CERS6: variants seen among roughly 807,000 people sequenced by gnomAD.
CERS6 encodes the protein LAG1 homolog, ceramide synthase 6.
In CERS6, 26 loss-of-function variants were observed where a neutral mutation model predicts 56.8. The ratio of observed to expected loss-of-function variants is 0.46; its 90% CI spans 0.34 to 0.63. CERS6 has a LOEUF of 0.63. Among genes scored for constraint, CERS6 ranks in the 30% least tolerant of loss-of-function variants. The pLI is 0.01. For missense variants in CERS6, 415 were observed against 467.5 expected, an observed-to-expected ratio of 0.89 and a Z score of 1.04; for synonymous variants, 164 against 173.3, an observed-to-expected ratio of 0.95 and a Z score of 0.42.
At chr2:168,694,256 C>T (rs1197653482) in intron 5 of CERS6, among the ~76,000 whole-genome samples, 1 of 152,070 alleles carries the variant, frequency 6.6e-6, no homozygotes, top group Non-Finnish European at 1.5e-5. Flanking sequence ...GAGCCTCCCC[C>T]CGACCCTGAG....
chr2:168,593,522 C>T (rs1325407123), intron 3 of CERS6, among the ~76,000 whole-genome samples: 1 of 143,478 alleles, frequency 7.0e-6, no homozygotes, highest in African/African-American at 2.9e-5. Flanking sequence ...TTTTGAGTTT[C>T]TGTGTGTTTT....
chr2:168,472,494 T>C (rs1693995296), intron 1 of CERS6, among the ~76,000 whole-genome samples: 2 of 152,204 alleles, frequency 1.3e-5, no homozygotes, highest in South Asian at 2.1e-4. Context: ...CTTCTTTCTT[T>C]GTGTTAAGTC....
At chr2:168,722,258 T>C (rs755472645) in intron 8 of CERS6, among the ~76,000 whole-genome samples, 123 of 152,344 alleles carry the variant, frequency 8.1e-4, no homozygotes, top group Non-Finnish European at 1.4e-3. Context: ...ACTTCCTTGA[T>C]GATGTCCTTT....
chr2:168,604,887 G>A (rs115337340), intron 3 of CERS6, among the ~76,000 whole-genome samples: 4,487 of 152,234 alleles, frequency 0.029, 195 homozygotes, highest in African/African-American at 0.097. Flanking sequence ...TTTCTTTAGA[G>A]CCATGTGAGA....
At chr2:168,666,872 C>T (rs746775766) in intron 4 of CERS6, among the ~76,000 whole-genome samples, 1 of 152,194 alleles carries the variant, frequency 6.6e-6, no homozygotes. Flanking sequence ...TAAGAAGACA[C>T]TGTTTCTCAA....
intron 8 of CERS6, among the ~76,000 whole-genome samples, chr2:168,748,469 AAAC>A (rs1684172243): frequency 6.6e-6 from 1 of 152,202 alleles, no homozygotes; most frequent in South Asian, 2.1e-4. Context: ...TTACTAAATA[AAAC>A]CACCATCTCT....
chr2:168,528,650 G>GAGGAATTTGCAAACAAATTTGTT (rs71003044), intron 1 of CERS6, among the ~76,000 whole-genome samples: 140,499 of 152,074 alleles, frequency 0.92, 65,345 homozygotes, highest in Non-Finnish European at 0.99. Context: ...AGAAGAACTA[G>GAGGAATTTGCAAACAAATTTGTT]AGGTTCATAG....
At chr2:168,495,409 G>A (rs1694448285) in intron 1 of CERS6, among the ~76,000 whole-genome samples, 1 of 152,190 alleles carries the variant, frequency 6.6e-6, no homozygotes, top group South Asian at 2.1e-4. Flanking sequence ...ACTGGTCGGA[G>A]TTGTAAAAAT....
At chr2:168,569,262 A>C (rs1050506387) in intron 3 of CERS6, among the ~76,000 whole-genome samples, 1 of 152,082 alleles carries the variant, frequency 6.6e-6, no homozygotes, top group Admixed American at 6.5e-5. Flanking sequence ...TCCTACCCTT[A>C]TGACCTAATT....
chr2:168,524,311 GC>G (rs1377756295), intron 1 of CERS6, among the ~76,000 whole-genome samples: 2 of 152,168 alleles, frequency 1.3e-5, no homozygotes, highest in Admixed American at 6.5e-5. Flanking sequence ...TGTTTAATAA[GC>G]ATGCCAAGTT....
At chr2:168,502,466 A>T (rs1286505178) in intron 1 of CERS6, among the ~76,000 whole-genome samples, 1 of 152,028 alleles carries the variant, frequency 6.6e-6, no homozygotes. Flanking sequence ...CGCTAAAGTG[A>T]TAGCTTTGGC....
At chr2:168,611,011 G>A (rs577251139) in intron 3 of CERS6, among the ~76,000 whole-genome samples, 7 of 152,222 alleles carry the variant, frequency 4.6e-5, no homozygotes, top group Non-Finnish European at 1.0e-4. Flanking sequence ...GTTTCACCAT[G>A]TTGGCCAGGC....
At chr2:168,747,433 T>A (rs1181399984) in intron 8 of CERS6, among the ~76,000 whole-genome samples, 1 of 152,186 alleles carries the variant, frequency 6.6e-6, no homozygotes, top group African/African-American at 2.4e-5. Flanking sequence ...TTTAAAACCA[T>A]TAGAAATAGT....
chr2:168,673,650 G>A (rs969258874), intron 4 of CERS6, among the ~76,000 whole-genome samples: 1 of 152,192 alleles, frequency 6.6e-6, no homozygotes, highest in Non-Finnish European at 1.5e-5. Flanking sequence ...GCAGACTAAG[G>A]CCTGAGAGTG....
intron 1 of CERS6, among the ~76,000 whole-genome samples, chr2:168,535,129 G>A (rs1336565099): frequency 6.6e-6 from 1 of 152,198 alleles, no homozygotes. Flanking sequence ...TCCTGCCCAG[G>A]GAGCTTAGCA....
intron 3 of CERS6, among the ~76,000 whole-genome samples, chr2:168,602,711 A>T (rs1352576095): frequency 6.6e-6 from 1 of 152,220 alleles, no homozygotes; most frequent in African/African-American, 2.4e-5. Flanking sequence ...GAAAAATCTG[A>T]TGAAGCGAAG....
chr2:168,745,209 A>G (rs920861853), intron 8 of CERS6, among the ~76,000 whole-genome samples: 3 of 151,938 alleles, frequency 2.0e-5, no homozygotes, highest in Non-Finnish European at 2.9e-5. Context: ...TATTATGTAC[A>G]TGCTCCAAAA....
At chr2:168,463,110 A>G (rs1693806434) in intron 1 of CERS6, among the ~76,000 whole-genome samples, 1 of 152,140 alleles carries the variant, frequency 6.6e-6, no homozygotes, top group Non-Finnish European at 1.5e-5. Context: ...TCCCCATTTT[A>G]TGGATGAAAT....
At chr2:168,548,926 C>T (rs921990394) in intron 2 of CERS6, among the ~76,000 whole-genome samples, 21 of 151,990 alleles carry the variant, frequency 1.4e-4, no homozygotes, top group Admixed American at 9.8e-4. Context: ...TTCAGATTGC[C>T]AGGTTCCTGT....
Sources: allele counts gnomAD v4.1 joint callset (sites outside exome capture counted in the v4.1 genomes callset), GRCh38; gene constraint gnomAD v4.1.1; transcripts MANE v1.5; gene names NCBI Gene and HGNC (gene_info 2026-07-23, HGNC 2026-07-21).